Variants in NPM1 observed in about 807,000 individuals in gnomAD.
NPM1 encodes nucleophosmin 1.
In NPM1, 1 loss-of-function variant was observed where a neutral mutation model predicts 44.1. That is an observed-to-expected ratio of 0.02 (90% CI 0.01 to 0.11). NPM1 has a LOEUF of 0.11. Among genes scored for constraint, NPM1 ranks in the 10% least tolerant of loss-of-function variants. NPM1 has a pLI of 1.00. For synonymous variants in NPM1, 126 were observed against 111.8 expected (o/e 1.13, Z -0.80); for missense variants, 197 against 347.8 (o/e 0.57, Z 3.45).
intron 8 of NPM1, among the ~76,000 whole-genome samples, chr5:171,403,760 A>T (rs1581255078): frequency 8.4e-6 from 1 of 118,698 alleles, no homozygotes; most frequent in South Asian, 3.4e-4. Flanking sequence ...TCCCTCCCGG[A>T]CGGGGCGGCT....
chr5:171,395,603 G>C (rs928803052), intron 6 of NPM1, among the ~76,000 whole-genome samples: 1 of 152,160 alleles, frequency 6.6e-6, no homozygotes, highest in African/African-American at 2.4e-5. Context: ...GTGTACTAAG[G>C]TCTGCATAGT....
At position 171,404,219 on chromosome 5, in the gene NPM1, G is replaced by A. The variant is rs1186822525; in HGVS notation, c.670-1083G>A. 4.7e-5 allele frequency among the ~76,000 whole-genome samples: 5 copies of A among 106,546 alleles called. 1 individual carries two copies. The highest frequency in any genetic ancestry group is 1.8e-4 in the African/African-American group (5 of 27,128). The allele number at this position is 106,546 out of a possible 152,430, so 69.9% of individuals were successfully genotyped here. A position where few individuals can be genotyped will look rare whatever the true frequency, so the allele number is the denominator to read the frequency against. The stretch of plus-strand genomic sequence containing the variant: ...ACCTCCCTCCCAGATAGGGCGGCTG[G>A]CCGGGCGGGGGGTTGACCCCCCCCC... On this transcript the variant is annotated intron_variant, in intron 8 of 10. Transcript: ENST00000296930.
intron 7 of NPM1, 170 bp from the exon 8 acceptor site, chr5:171,400,669 A>G (rs1435199808): frequency 9.5e-6 from 5 of 527,088 alleles, no homozygotes; most frequent in Non-Finnish European, 1.7e-5. Flanking sequence ...GCTGGTCTCG[A>G]ACTCCTGACC....
At chr5:171,390,207 C>CT in intron 2 of NPM1, 77 bp downstream of exon 2, 2 of 778,648 alleles carry the variant, frequency 2.6e-6, no homozygotes, top group Non-Finnish European at 4.1e-6. Flanking sequence ...TGGCTTGAGA[C>CT]TTTTTTTCCT....
intron 9 of NPM1, among the ~76,000 whole-genome samples, chr5:171,406,233 A>G (rs1771558939): frequency 6.6e-6 from 1 of 151,910 alleles, no homozygotes; most frequent in African/African-American, 2.4e-5. Flanking sequence ...CACTGGAAAA[A>G]GAATTTTAGA....
intron 6 of NPM1, among the ~76,000 whole-genome samples, chr5:171,394,536 A>G (rs927143220): frequency 3.3e-5 from 5 of 152,252 alleles, no homozygotes; most frequent in African/African-American, 1.2e-4. Flanking sequence ...CTCTGGGCAC[A>G]AGCTATCCTC....
intron 6 of NPM1, among the ~76,000 whole-genome samples, chr5:171,398,002 A>G (rs2113216955): frequency 6.6e-6 from 1 of 152,026 alleles, no homozygotes; most frequent in South Asian, 2.1e-4. Context: ...CATGTTGGCC[A>G]GGCTGGTCTT....
intron 6 of NPM1, among the ~76,000 whole-genome samples, chr5:171,398,268 T>G (rs568620655): frequency 4.3e-4 from 65 of 152,338 alleles, no homozygotes; most frequent in Admixed American, 3.9e-3. Flanking sequence ...TCCTAAGAAA[T>G]CATTGCTAAA....
intron 6 of NPM1, among the ~76,000 whole-genome samples, chr5:171,394,384 G>C (rs1770764857): frequency 6.6e-6 from 1 of 152,076 alleles, no homozygotes; most frequent in East Asian, 1.9e-4. Flanking sequence ...ACGTTGGCTA[G>C]GCTATTCTCA....
At chr5:171,391,479 G>A (rs1770575889) in intron 3 of NPM1, 55 bp downstream of exon 3, 2 of 1,594,068 alleles carry the variant, frequency 1.3e-6, no homozygotes, top group Non-Finnish European at 1.7e-6. Flanking sequence ...CTGTTTTAAG[G>A]TAGGTTTGGT....
chr5:171,397,683 G>A (rs1168007097), intron 6 of NPM1, among the ~76,000 whole-genome samples: 1 of 152,058 alleles, frequency 6.6e-6, no homozygotes, highest in African/African-American at 2.4e-5. Flanking sequence ...TTTTAGTAGA[G>A]AAGGGGTTTT....
intron 8 of NPM1, among the ~76,000 whole-genome samples, chr5:171,403,609 G>A (rs1377444654): frequency 1.1e-3 from 118 of 108,590 alleles, no homozygotes; most frequent in Middle Eastern, 5.8e-3. Context: ...CTCACCTCCC[G>A]GACGGGGCGG....
chr5:171,400,923 A>G lies in NPM1; in HGVS notation c.667A>G (p.Lys223Glu). The G allele has an allele frequency of 1.2e-6, 2 of 1,605,814 alleles. No individual in the cohort carries two copies. The highest frequency in any genetic ancestry group is 1.7e-6 in the Non-Finnish European group (2 of 1,172,824). ...AAAACCATCATCAACACCAAGATCA[A>G]AAGTAAGTGGCTACATTTACACGTG... ...DSKPSSTPRS[K>E]GQESFKKQEK... is the part of the protein sequence containing the mutation. Residue 223 changes from lysine to glutamate, a missense_variant and splice_region_variant, in exon 8 of 11, where the codon AAA (lysine) becomes GAA (glutamate). Coordinates refer to ENST00000296930, the MANE Select transcript of NPM1 (RefSeq NM_002520.7).
intron 2 of NPM1, 39 bp from the exon 3 acceptor site, chr5:171,391,266 A>G (rs1770563687): frequency 1.2e-6 from 2 of 1,600,348 alleles, no homozygotes; most frequent in Non-Finnish European, 1.7e-6. Flanking sequence ...AAATAGGTGG[A>G]ACTCAAAAGT....
At position 171,390,036 on chromosome 5, in the gene NPM1, T is replaced by C; in HGVS notation, c.59-15T>C. ...TTTTTCTCCTTGTTAGAGTTGCTTT[T>C]TTCTTCATTTACAGGTTGTGAACTA... On this transcript the variant is annotated splice_polypyrimidine_tract_variant and intron_variant, in intron 1 of 10. Coordinates refer to ENST00000296930, the MANE Select transcript of NPM1 (RefSeq NM_002520.7). The C allele has an allele frequency of 1.3e-6, 2 of 1,539,052 alleles. No individual in the cohort carries two copies. The highest frequency in any genetic ancestry group is 1.8e-6 in the Non-Finnish European group (2 of 1,132,600).
rs762635721 is a variant in NPM1 at position 171,400,846 on chromosome 5, G to A, written c.590G>A (p.Arg197Gln). The change falls in exon 8 of 11, where the codon CGA (arginine) becomes CAA (glutamine). Residue 197 changes from arginine to glutamine, a missense_variant. By Grantham distance (43) the Arg-to-Gln change is conservative (BLOSUM62 1). This residue lies in a region of NPM1 where 91 missense variants were observed against 94.0 expected (regional missense o/e 0.97). Transcript: ENST00000296930. ...ATAAATTTCTAATTGCAGTCTATAC[G>A]AGATACTCCAGCCAAAAATGCACAA... ...EEKAPVKKSI[R>Q]DTPAKNAQKS... is the part of the protein sequence containing the mutation. The A allele has an allele frequency of 6.9e-6, 11 of 1,605,112 alleles. No individual in the cohort carries two copies. The highest frequency in any genetic ancestry group is 1.4e-5 in the African/African-American group (1 of 74,002).
At chr5:171,393,738 A>G (rs919371760) in intron 6 of NPM1, among the ~76,000 whole-genome samples, 4 of 152,226 alleles carry the variant, frequency 2.6e-5, no homozygotes, top group Non-Finnish European at 4.4e-5. Context: ...TGAAAGATCA[A>G]ATTGGGAGTT....
At chr5:171,404,044 A>C (rs1378366842) in intron 8 of NPM1, among the ~76,000 whole-genome samples, 1 of 48,186 alleles carries the variant, frequency 2.1e-5, no homozygotes, top group African/African-American at 9.9e-5. Flanking sequence ...GGGCAGAGGC[A>C]ACCCTCACCT....
intron 1 of NPM1, among the ~76,000 whole-genome samples, chr5:171,388,916 ACTC>A (rs943465465): frequency 1.1e-4 from 17 of 151,938 alleles, no homozygotes; most frequent in African/African-American, 4.1e-4. Flanking sequence ...AAGACGCTTG[ACTC>A]CGTAGCTGCT....
Sources: gnomAD v4.1 joint callset for allele counts (sites outside exome capture counted in the v4.1 genomes callset) on GRCh38, gnomAD v4.1.1 for gene constraint, gnomAD v4.1.1 regional missense constraint, MANE v1.5 for transcripts, NCBI Gene and HGNC (gene_info 2026-07-23, HGNC 2026-07-21) for gene names.